The following KCND3 variants were observed in gnomAD, a reference collection of about 807,000 sequenced individuals.
The protein encoded by KCND3 is potassium voltage-gated channel subfamily D member 3, also known as A-type voltage-gated potassium channel KCND3.
Under a neutral mutation model 51.1 loss-of-function variants are expected in KCND3, and 9 were observed. That is an observed-to-expected ratio of 0.18 (90% CI 0.11 to 0.31). The LOEUF (loss-of-function observed/expected upper bound fraction) is 0.31, where lower values mean the gene tolerates loss of function less well. Ranked by LOEUF, KCND3 falls within the 10% of genes least tolerant of loss-of-function variation. The pLI, the probability that KCND3 is intolerant of heterozygous loss-of-function variation, is 1.00. For synonymous variants in KCND3, 349 were observed against 368.0 expected (o/e 0.95, Z 0.59); for missense variants, 526 against 903.8 (o/e 0.58, Z 5.36).
At chr1:111,871,299 G>T (rs187714987) in intron 2 of KCND3, among the ~76,000 whole-genome samples, 20 of 152,248 alleles carry the variant, frequency 1.3e-4, no homozygotes, top group Admixed American at 1.2e-3. Flanking sequence ...TGGTAGGAAC[G>T]TCAGGTTAAG....
intron 2 of KCND3, among the ~76,000 whole-genome samples, chr1:111,862,089 G>A (rs1300459461): frequency 6.6e-6 from 1 of 152,242 alleles, no homozygotes; most frequent in African/African-American, 2.4e-5. Context: ...CAGGGCGCTG[G>A]CTGGGGAGGG....
chr1:111,961,018 A>G (rs763577140), intron 2 of KCND3, among the ~76,000 whole-genome samples: 38 of 152,270 alleles, frequency 2.5e-4, no homozygotes, highest in Non-Finnish European at 5.0e-4. Context: ...AGATAGGGGT[A>G]GCCTCGACTC....
At chr1:111,876,200 T>G (rs768402983) in intron 2 of KCND3, among the ~76,000 whole-genome samples, 4 of 152,264 alleles carry the variant, frequency 2.6e-5, no homozygotes, top group Non-Finnish European at 5.9e-5. Context: ...CAACTTAGTC[T>G]GTGCATTTGG....
intron 2 of KCND3, among the ~76,000 whole-genome samples, chr1:111,815,284 T>C (rs749512282): frequency 1.3e-5 from 2 of 152,042 alleles, no homozygotes; most frequent in Non-Finnish European, 2.9e-5. Flanking sequence ...TCCCCTCTCT[T>C]CTTTTCCTTT....
intron 1 of KCND3, among the ~76,000 whole-genome samples, chr1:111,987,363 G>C (rs143012795): frequency 2.0e-5 from 3 of 152,148 alleles, no homozygotes; most frequent in Non-Finnish European, 4.4e-5. Context: ...ACAGCCAAAT[G>C]TTTACCCCAT....
intron 2 of KCND3, among the ~76,000 whole-genome samples, chr1:111,908,777 T>C (rs2101808645): frequency 6.6e-6 from 1 of 152,220 alleles, no homozygotes; most frequent in East Asian, 1.9e-4. Context: ...CATAGAAAGG[T>C]CACCCATTCC....
intron 2 of KCND3, among the ~76,000 whole-genome samples, chr1:111,946,672 G>A (rs112573370): frequency 6.6e-6 from 1 of 152,210 alleles, no homozygotes; most frequent in Non-Finnish European, 1.5e-5. Context: ...GAGACTTGCA[G>A]ATTATTATTA....
intron 2 of KCND3, among the ~76,000 whole-genome samples, chr1:111,880,901 G>A (rs752577319): frequency 9.2e-5 from 14 of 152,126 alleles, no homozygotes; most frequent in Non-Finnish European, 4.4e-5. Flanking sequence ...AATAAAGGAA[G>A]CTCTCGGTCC....
At chr1:111,808,693 C>T (rs1477719896) in intron 2 of KCND3, among the ~76,000 whole-genome samples, 1 of 152,214 alleles carries the variant, frequency 6.6e-6, no homozygotes, top group East Asian at 1.9e-4. Flanking sequence ...CATCTCAGCT[C>T]ATTCTGGAAA....
At chr1:111,824,153 A>G (rs898772349) in intron 2 of KCND3, among the ~76,000 whole-genome samples, 2 of 151,830 alleles carry the variant, frequency 1.3e-5, no homozygotes, top group African/African-American at 4.8e-5. Flanking sequence ...ACAAGAAATA[A>G]CAAAGACAGC....
At chr1:111,950,961 A>G (rs1447387941) in intron 2 of KCND3, among the ~76,000 whole-genome samples, 1 of 152,108 alleles carries the variant, frequency 6.6e-6, no homozygotes, top group African/African-American at 2.4e-5. Flanking sequence ...ACCTGAGGTC[A>G]GGAGTTCGAG....
intron 2 of KCND3, among the ~76,000 whole-genome samples, chr1:111,889,008 G>A (rs1669700817): frequency 6.6e-6 from 1 of 152,190 alleles, no homozygotes; most frequent in Non-Finnish European, 1.5e-5. Flanking sequence ...AGGGCAGCAG[G>A]AGGAGGGGCA....
intron 2 of KCND3, among the ~76,000 whole-genome samples, chr1:111,807,294 G>A (rs1052647075): frequency 1.9e-4 from 29 of 152,194 alleles, no homozygotes; most frequent in African/African-American, 5.5e-4. Context: ...TTGTGGTATC[G>A]TATTTTTACT....
chr1:111,854,699 TCTCCCA>T (rs1320007064), intron 2 of KCND3, among the ~76,000 whole-genome samples: 6 of 152,296 alleles, frequency 3.9e-5, no homozygotes, highest in African/African-American at 1.4e-4. Context: ...TACTAAAATA[TCTCCCA>T]CATTTGCAAA....
chr1:111,926,182 G>T (rs995663238), intron 2 of KCND3, among the ~76,000 whole-genome samples: 1 of 152,100 alleles, frequency 6.6e-6, no homozygotes, highest in Non-Finnish European at 1.5e-5. Flanking sequence ...TGAGTTGGGG[G>T]ACATTAGTTC....
At chr1:111,822,660 CT>C (rs1666402840) in intron 2 of KCND3, among the ~76,000 whole-genome samples, 1 of 152,202 alleles carries the variant, frequency 6.6e-6, no homozygotes, top group African/African-American at 2.4e-5. Flanking sequence ...AATAATGCTG[CT>C]ATGAGTATGG....
chr1:111,964,677 G>A (rs1673870227), intron 2 of KCND3, among the ~76,000 whole-genome samples: 2 of 152,162 alleles, frequency 1.3e-5, no homozygotes, highest in Admixed American at 1.3e-4. Flanking sequence ...AATTCTAGGT[G>A]TTACTAGGAG....
chr1:111,957,398 G>A (rs1020151198), intron 2 of KCND3, among the ~76,000 whole-genome samples: 4 of 152,198 alleles, frequency 2.6e-5, no homozygotes, highest in African/African-American at 9.7e-5. Flanking sequence ...CCCTTAAGTT[G>A]CCAGGCTTCA....
intron 2 of KCND3, among the ~76,000 whole-genome samples, chr1:111,829,494 T>C (rs1474022395): frequency 1.3e-5 from 2 of 152,118 alleles, no homozygotes; most frequent in African/African-American, 2.4e-5. Flanking sequence ...AGGTTGTTGG[T>C]GTCATTAATT....
Sources: gnomAD v4.1 joint callset for allele counts (sites outside exome capture counted in the v4.1 genomes callset) on GRCh38, gnomAD v4.1.1 for gene constraint, MANE v1.5 for transcripts, NCBI Gene and HGNC (gene_info 2026-07-23, HGNC 2026-07-21) for gene names.